The following RGS5 variants were observed in gnomAD, a reference collection of about 807,000 sequenced individuals.
RGS5 encodes the protein regulator of G-protein signalling 5.
Under a neutral mutation model 18.9 loss-of-function variants are expected in RGS5, and 20 were observed. The ratio of observed to expected loss-of-function variants is 1.06; its 90% CI spans 0.74 to 1.54. The LOEUF (loss-of-function observed/expected upper bound fraction) is 1.54. Ranked by LOEUF, RGS5 falls within the 40% of genes most tolerant of loss-of-function variation. RGS5 has a pLI of 0.00. For missense variants in RGS5, 201 were observed against 211.8 expected, an observed-to-expected ratio of 0.95 and a Z score of 0.32; for synonymous variants, 57 against 76.2, an observed-to-expected ratio of 0.75 and a Z score of 1.31.
chr1:163,190,935 C>T (rs1276600137), intron 1 of RGS5, among the ~76,000 whole-genome samples: 2 of 152,152 alleles, frequency 1.3e-5, no homozygotes, highest in Non-Finnish European at 2.9e-5. Flanking sequence ...TAAAGTAGGA[C>T]ATGCTGATGA....
intron 1 of RGS5, among the ~76,000 whole-genome samples, chr1:163,168,575 T>C (rs1658160884): frequency 6.6e-6 from 1 of 152,240 alleles, no homozygotes; most frequent in Admixed American, 6.5e-5. Flanking sequence ...ATGTCCTTCA[T>C]TAATTTGCAC....
intron 2 of RGS5, among the ~76,000 whole-genome samples, chr1:163,283,900 G>A (rs917318517): frequency 7.2e-5 from 11 of 152,188 alleles, no homozygotes; most frequent in African/African-American, 2.7e-4. Context: ...CAAGCTTTCA[G>A]ATGAGAAAGC....
At chr1:163,262,915 G>C (rs1294465597) in intron 2 of RGS5, among the ~76,000 whole-genome samples, 1 of 152,136 alleles carries the variant, frequency 6.6e-6, no homozygotes, top group Non-Finnish European at 1.5e-5. Flanking sequence ...GGCGATTCCT[G>C]CATCTATTTG....
intron 2 of RGS5, among the ~76,000 whole-genome samples, chr1:163,272,993 GT>G (rs1296906046): frequency 6.6e-6 from 1 of 151,670 alleles, no homozygotes; most frequent in Non-Finnish European, 1.5e-5. Flanking sequence ...ATCATGAGGG[GT>G]TTTTTTCATA....
intron 2 of RGS5, among the ~76,000 whole-genome samples, chr1:163,222,955 G>A (rs1419232088): frequency 6.6e-6 from 1 of 151,900 alleles, no homozygotes. Context: ...CACCTCCCAG[G>A]TGCCTCAGCC....
Position 163,208,230 on chromosome 1 carries a change from T to C in RGS5, c.69+9296A>G, listed in dbSNP as rs565864461. Among the ~76,000 whole-genome samples the C allele has an allele frequency of 1.3e-3, 183 of 144,806 alleles. 1 individual carries two copies. Among genetic ancestry groups the C allele is most frequent in the South Asian group, 9.6e-3 (43 of 4,500 alleles). 95.0% of individuals were successfully genotyped at this position (144,806 alleles called of 152,430 possible). On this transcript the variant is annotated intron_variant, in intron 1 of 5. Coordinates refer to the RGS5 transcript ENST00000367903. Reference sequence around the variant, plus strand: ...GGGCGTGGTGGCGGGCGCCTGTAGTTCCAGCTACTCCGGAGGCTGAGGCAG... The same window carrying C: ...GGGCGTGGTGGCGGGCGCCTGTAGTCCCAGCTACTCCGGAGGCTGAGGCAG...
In RGS5 at chr1:163,268,293, G is replaced by C. The variant is rs1006131723; in HGVS notation, c.-281+37940C>G. Among the ~76,000 whole-genome samples, 5 of 152,100 alleles carry C rather than the reference G, an allele frequency of 3.3e-5. No homozygotes were observed. The East Asian group carries it at 5.8e-4, about 18-fold the overall frequency. On this transcript the variant is annotated intron_variant, in intron 2 of 5. Transcript: ENST00000618415. ...GAAGAAGCATGAAGCACAGAACCCA[G>C]AGCCATGGGATTCTTCCCTATAGCC...
chr1:163,225,497 G>T (rs1647313627), intron 2 of RGS5, among the ~76,000 whole-genome samples: 1 of 152,022 alleles, frequency 6.6e-6, no homozygotes, highest in Non-Finnish European at 1.5e-5. Flanking sequence ...GGCTTTTTTA[G>T]GGCTCTCTAA....
upstream of RGS5, chr1:163,206,881 C>A (rs1659967269): frequency 6.6e-6 from 1 of 152,090 alleles, no homozygotes; most frequent in Non-Finnish European, 1.5e-5. Flanking sequence ...AATATGAATT[C>A]ATAAAAAGTA....
At chr1:163,153,693 T>C (rs993228426) in intron 3 of RGS5, among the ~76,000 whole-genome samples, 5 of 151,470 alleles carry the variant, frequency 3.3e-5, no homozygotes, top group Admixed American at 1.3e-4. Flanking sequence ...TATATAGATA[T>C]AGTCTTTAAT....
At chr1:163,229,665 T>A (rs1647426738) in intron 2 of RGS5, among the ~76,000 whole-genome samples, 1 of 152,248 alleles carries the variant, frequency 6.6e-6, no homozygotes, top group Non-Finnish European at 1.5e-5. Context: ...TCCATTTCCC[T>A]GGAATGCTCT....
chr1:163,194,927 G>C (rs1366397484), intron 1 of RGS5, among the ~76,000 whole-genome samples: 1 of 152,014 alleles, frequency 6.6e-6, no homozygotes, highest in Non-Finnish European at 1.5e-5. Context: ...TAATTAAAAA[G>C]TCAAAAAACA....
intron 1 of RGS5, among the ~76,000 whole-genome samples, chr1:163,187,155 C>G (rs1281348350): frequency 1.3e-5 from 2 of 151,970 alleles, no homozygotes; most frequent in East Asian, 3.9e-4. Flanking sequence ...CCAATCTGGA[C>G]CAGGAAGGGA....
At chr1:163,274,602 C>A (rs1244367135) in intron 2 of RGS5, among the ~76,000 whole-genome samples, 1 of 152,122 alleles carries the variant, frequency 6.6e-6, no homozygotes, top group Non-Finnish European at 1.5e-5. Context: ...CAATTTATAA[C>A]TTGTTTGTCA....
rs1186921161 is a variant in RGS5 at position 163,278,188 on chromosome 1, CA to C, written c.-281+28044del. Among the ~76,000 whole-genome samples, 11 of 152,008 alleles carry C rather than the reference CA, an allele frequency of 7.2e-5. No individual in the cohort carries two copies. The East Asian group carries it at 1.5e-3, about 21-fold the overall frequency. ...TAAAAAGTCCCAAATAGATTAAATCCAAAAAGGTCCTGTCTGAGGCACATTA... is the reference window on the plus strand; with the variant it reads ...TAAAAAGTCCCAAATAGATTAAATCCAAAAGGTCCTGTCTGAGGCACATTA... On this transcript the variant is annotated intron_variant, in intron 2 of 5. Transcript: ENST00000618415.
intron 1 of RGS5, among the ~76,000 whole-genome samples, chr1:163,314,620 C>T (rs1649967182): frequency 6.6e-6 from 1 of 152,096 alleles, no homozygotes; most frequent in Non-Finnish European, 1.5e-5. Context: ...TTATGAGTTT[C>T]ATTTTTTAAA....
chr1:163,190,615 G>A lies in RGS5; in HGVS notation c.44+12177C>T, dbSNP rs1348015284. On this transcript the variant is annotated intron_variant, in intron 1 of 4. Transcript: ENST00000313961. ...AGACAATACCCTATAAACAGTGCTC[G>A]ACTGACTAACAGTTACTTGGTTTGT... is the stretch of plus-strand genomic sequence containing the variant. Among the ~76,000 whole-genome samples the A allele has an allele frequency of 2.1e-5, 3 of 144,422 alleles. No homozygotes were observed. The East Asian group carries it at 6.4e-4, about 31-fold the overall frequency. 94.7% of individuals were successfully genotyped at this position (144,422 alleles called of 152,430 possible). A position where few individuals can be genotyped will look rare whatever the true frequency, so the allele number is the denominator to read the frequency against.
chr1:163,251,703 A>C (rs1316104537), intron 2 of RGS5, among the ~76,000 whole-genome samples: 3 of 152,160 alleles, frequency 2.0e-5, no homozygotes, highest in Non-Finnish European at 4.4e-5. Flanking sequence ...TTCAGCAACC[A>C]CTATCCCTAG....
At chr1:163,215,980 T>C (rs946682205) in intron 1 of RGS5, among the ~76,000 whole-genome samples, 19 of 152,084 alleles carry the variant, frequency 1.2e-4, no homozygotes, top group African/African-American at 4.3e-4. Flanking sequence ...CTAAACCTTT[T>C]TAGAGAAAAA....
Sources: allele counts gnomAD v4.1 joint callset (sites outside exome capture counted in the v4.1 genomes callset), GRCh38; gene constraint gnomAD v4.1.1; transcripts MANE v1.5; gene names NCBI Gene and HGNC (gene_info 2026-07-23, HGNC 2026-07-21).